Variants in TCF12 observed in about 807,000 individuals in gnomAD.
TCF12 encodes the protein DNA-binding protein HTF4.
TCF12 carries 45 observed loss-of-function variants against 86.0 expected under a neutral mutation model. The observed-to-expected ratio is 0.52, with a 90% confidence interval of 0.41 to 0.67. The LOEUF is 0.67. Among genes scored for constraint, TCF12 ranks in the 30% least tolerant of loss-of-function variants. The probability of loss-of-function intolerance (pLI) is 0.00; values close to 1 mark genes in which losing one functional copy is unlikely to be tolerated. For missense variants in TCF12, 881 were observed against 859.9 expected (o/e 1.02, Z -0.31); for synonymous variants, 330 against 299.6 (o/e 1.10, Z -1.05).
intron 13 of TCF12, among the ~76,000 whole-genome samples, chr15:57,248,353 C>T (rs532936177): frequency 4.6e-5 from 7 of 152,240 alleles, no homozygotes; most frequent in African/African-American, 1.7e-4. Context: ...GTGCTCTGGC[C>T]ACAAGATAGA....
intron 3 of TCF12, among the ~76,000 whole-genome samples, chr15:56,998,211 C>T (rs1412063863): frequency 6.6e-6 from 1 of 152,118 alleles, no homozygotes; most frequent in Non-Finnish European, 1.5e-5. Context: ...AATCCCAGCA[C>T]TTTGGGAGGC....
intron 3 of TCF12, among the ~76,000 whole-genome samples, chr15:56,935,902 A>G (rs1366071506): frequency 6.6e-6 from 1 of 152,212 alleles, no homozygotes; most frequent in Non-Finnish European, 1.5e-5. Flanking sequence ...TAGTTGATAG[A>G]TGAGCATTTG....
Position 57,243,810 on chromosome 15 carries a change from G to C in TCF12, c.1114+260G>C, listed in dbSNP as rs149829036. On this transcript the variant is annotated intron_variant, in intron 13 of 20. Transcript: ENST00000333725. The stretch of plus-strand genomic sequence containing the variant: ...ATTTCTAAGAACAGTAGTTACAACA[G>C]GATAAAAATAAGACCAGGCAATTGG... Among the ~76,000 whole-genome samples the C allele has an allele frequency of 8.3e-4, 126 of 152,186 alleles. 2 individuals are homozygous for C. In the East Asian group the frequency reaches 0.024, roughly 29 times the overall value.
At chr15:56,946,993 T>TCAC (rs2061031202) in intron 3 of TCF12, among the ~76,000 whole-genome samples, 1 of 152,066 alleles carries the variant, frequency 6.6e-6, no homozygotes, top group Non-Finnish European at 1.5e-5. Flanking sequence ...AGACAGGGTT[T>TCAC]CACCATGTTG....
intron 5 of TCF12, among the ~76,000 whole-genome samples, chr15:57,143,478 C>G (rs558722151): frequency 1.6e-4 from 25 of 151,950 alleles, no homozygotes; most frequent in African/African-American, 5.5e-4. Flanking sequence ...ACCGAAACAG[C>G]AACAAAAAAG....
At chr15:57,148,902 T>G (rs1425636850) in intron 5 of TCF12, among the ~76,000 whole-genome samples, 1 of 152,024 alleles carries the variant, frequency 6.6e-6, no homozygotes, top group Admixed American at 6.6e-5. Flanking sequence ...TCAAATGTAC[T>G]TACAAGCATT....
intron 8 of TCF12, among the ~76,000 whole-genome samples, chr15:57,205,560 C>T (rs1278376246): frequency 6.6e-6 from 1 of 152,214 alleles, no homozygotes; most frequent in Non-Finnish European, 1.5e-5. Flanking sequence ...TTGAAGGCTA[C>T]TGTGATACAA....
intron 20 of TCF12, 75 bp from the exon 21 acceptor site, chr15:57,286,082 A>AG (rs34690990): frequency 6.6e-6 from 1 of 152,582 alleles, no homozygotes; most frequent in South Asian, 2.1e-4. Context: ...TGTTGGTGGG[A>AG]GGGGGAAGGT....
At chr15:57,007,204 T>A (rs976870329) in intron 3 of TCF12, among the ~76,000 whole-genome samples, 18 of 152,196 alleles carry the variant, frequency 1.2e-4, no homozygotes, top group African/African-American at 4.1e-4. Context: ...TAAATATTCT[T>A]CTGCAAGAAA....
intron 5 of TCF12, among the ~76,000 whole-genome samples, chr15:57,157,749 G>A (rs2054215615): frequency 6.6e-6 from 1 of 151,916 alleles, no homozygotes; most frequent in Non-Finnish European, 1.5e-5. Context: ...TTTTAGTAGA[G>A]ATGGGGTTTC....
At chr15:57,221,895 T>A (rs1467112892) in intron 8 of TCF12, among the ~76,000 whole-genome samples, 1 of 152,050 alleles carries the variant, frequency 6.6e-6, no homozygotes, top group African/African-American at 2.4e-5. Flanking sequence ...AAATGTATTA[T>A]TTTAGTGTAT....
At chr15:56,933,850 A>G (rs1477860211) in intron 3 of TCF12, among the ~76,000 whole-genome samples, 1 of 152,020 alleles carries the variant, frequency 6.6e-6, no homozygotes, top group African/African-American at 2.4e-5. Flanking sequence ...TGAGAGGAAC[A>G]CTAGCCTATG....
intron 3 of TCF12, among the ~76,000 whole-genome samples, chr15:56,983,640 A>C (rs1460516941): frequency 6.6e-6 from 1 of 152,120 alleles, no homozygotes; most frequent in East Asian, 1.9e-4. Context: ...ATTTCAGTTC[A>C]GGTCAGGTTT....
At chr15:57,179,064 A>G (rs1207051716) in intron 6 of TCF12, among the ~76,000 whole-genome samples, 1 of 152,138 alleles carries the variant, frequency 6.6e-6, no homozygotes, top group Non-Finnish European at 1.5e-5. Flanking sequence ...AAAAAGAAAA[A>G]TTAAGATGGT....
At chr15:57,261,765 T>TATATAGGATTATTAATAGACCC (rs6145574) in intron 16 of TCF12, among the ~76,000 whole-genome samples, 123,339 of 151,820 alleles carry the variant, frequency 0.81, 50,638 homozygotes, top group African/African-American at 0.93. Flanking sequence ...TCAGATTGAT[T>TATATAGGATTATTAATAGACCC]TATAATACGT....
chr15:57,182,872 T>A (rs2056441158), intron 6 of TCF12, among the ~76,000 whole-genome samples: 1 of 152,164 alleles, frequency 6.6e-6, no homozygotes, highest in African/African-American at 2.4e-5. Context: ...AGGATTGTAA[T>A]CCACAAATTC....
intron 4 of TCF12, among the ~76,000 whole-genome samples, chr15:57,090,916 T>C (rs1222594167): frequency 1.3e-5 from 2 of 152,222 alleles, no homozygotes; most frequent in African/African-American, 2.4e-5. Context: ...CGTAAAAGTC[T>C]GAGAACCAGG....
At chr15:56,928,676 G>A (rs1289080330) in intron 3 of TCF12, among the ~76,000 whole-genome samples, 2 of 152,112 alleles carry the variant, frequency 1.3e-5, no homozygotes, top group African/African-American at 4.8e-5. Flanking sequence ...ACTATACTTT[G>A]TAGAGTGCAG....
At chr15:57,223,653 T>TTTTTTGTTTTGTTTTTG (rs1555400234) in intron 8 of TCF12, among the ~76,000 whole-genome samples, 34 of 135,290 alleles carry the variant, frequency 2.5e-4, no homozygotes, top group African/African-American at 9.1e-4. Flanking sequence ...GTTTTTTTTT[T>TTTTTTGTTTTGTTTTTG]TTTTTTTTTT....
Sources: gnomAD v4.1 joint callset for allele counts (sites outside exome capture counted in the v4.1 genomes callset) on GRCh38, gnomAD v4.1.1 for gene constraint, MANE v1.5 for transcripts, NCBI Gene and HGNC (gene_info 2026-07-23, HGNC 2026-07-21) for gene names.